Variants in MYO3B observed in about 807,000 individuals in gnomAD.
The protein encoded by MYO3B is myosin IIIB, also known as myosin-IIIb.
MYO3B carries 156 observed loss-of-function variants against 174.6 expected under a neutral mutation model. That is an observed-to-expected ratio of 0.89 (90% CI 0.78 to 1.02). The LOEUF (loss-of-function observed/expected upper bound fraction) is 1.02. Ranked by LOEUF, MYO3B falls within the 50% of genes least tolerant of loss-of-function variation. The pLI, the probability that MYO3B is intolerant of heterozygous loss-of-function variation, is 0.00. For missense variants in MYO3B, 1,632 were observed against 1,639.4 expected, an observed-to-expected ratio of 1.00 and a Z score of 0.08; for synonymous variants, 563 against 569.1, an observed-to-expected ratio of 0.99 and a Z score of 0.15.
At chr2:170,477,690 C>A (rs546443384) in intron 25 of MYO3B, among the ~76,000 whole-genome samples, 1 of 150,708 alleles carries the variant, frequency 6.6e-6, no homozygotes, top group South Asian at 2.1e-4. Context: ...TAGCTTCTTT[C>A]TAGATTCTAC....
intron 32 of MYO3B, among the ~76,000 whole-genome samples, chr2:170,599,617 G>A (rs891269484): frequency 7.2e-5 from 11 of 152,026 alleles, no homozygotes; most frequent in Admixed American, 2.0e-4. Context: ...GCATGGTGGC[G>A]GGCGCCTGTA....
chr2:170,524,148 G>A (rs1472852892), intron 30 of MYO3B, among the ~76,000 whole-genome samples: 2 of 152,200 alleles, frequency 1.3e-5, no homozygotes, highest in Non-Finnish European at 2.9e-5. Flanking sequence ...AGCATTTATT[G>A]CTATGCCAGT....
chr2:170,491,272 T>C (rs538396093), intron 25 of MYO3B, among the ~76,000 whole-genome samples: 166 of 152,146 alleles, frequency 1.1e-3, no homozygotes, highest in Non-Finnish European at 2.1e-3. Flanking sequence ...ACTTTCCAAT[T>C]TTCTTTTTGA....
chr2:170,407,951 A>C lies in MYO3B; in HGVS notation c.2650+107A>C, dbSNP rs75930005. The C allele has an allele frequency of 9.8e-4, 1,338 of 1,358,564 alleles. 24 individuals are homozygous for C. In the East Asian group the frequency reaches 0.027, roughly 27 times the overall value. 84.2% of individuals were successfully genotyped at this position (1,358,564 alleles called of 1,614,324 possible). On this transcript the variant is annotated intron_variant, in intron 22 of 34. Coordinates refer to ENST00000408978, the MANE Select transcript of MYO3B (RefSeq NM_138995.5). ...GCCAGGGCTGCACCGCTAACATTGA[A>C]CTTCTTTAAGCAGGAGTAAGGGTCT...
intron 23 of MYO3B, among the ~76,000 whole-genome samples, chr2:170,453,852 C>CTG (rs1267752868): frequency 6.6e-6 from 1 of 152,210 alleles, no homozygotes; most frequent in Non-Finnish European, 1.5e-5. Context: ...CCATTGGTCT[C>CTG]TGTCATCTTT....
intron 22 of MYO3B, among the ~76,000 whole-genome samples, chr2:170,424,741 C>T (rs1335753993): frequency 1.3e-5 from 2 of 152,164 alleles, no homozygotes; most frequent in African/African-American, 2.4e-5. Context: ...TAATAGTTCT[C>T]TTATAGGTCC....
chr2:170,215,449 G>GT (rs983349667), intron 5 of MYO3B, among the ~76,000 whole-genome samples: 381 of 149,432 alleles, frequency 2.5e-3, no homozygotes, highest in South Asian at 6.4e-3. Flanking sequence ...AAACCATTTG[G>GT]TTTTTTTTTT....
chr2:170,485,728 C>G (rs1264400374), intron 25 of MYO3B, among the ~76,000 whole-genome samples: 2 of 152,148 alleles, frequency 1.3e-5, no homozygotes, highest in African/African-American at 4.8e-5. Context: ...AGATTCTGAG[C>G]AGTTGACCTT....
intron 32 of MYO3B, among the ~76,000 whole-genome samples, chr2:170,615,218 C>T (rs1695377959): frequency 6.6e-6 from 1 of 152,208 alleles, no homozygotes; most frequent in South Asian, 2.1e-4. Flanking sequence ...CTTCACCACA[C>T]ATGTTTACTC....
chr2:170,308,578 G>A (rs1023012523), intron 7 of MYO3B, among the ~76,000 whole-genome samples: 1 of 152,116 alleles, frequency 6.6e-6, no homozygotes, highest in Non-Finnish European at 1.5e-5. Context: ...TACTCTGGGT[G>A]CATCCAGGTC....
chr2:170,391,507 CTT>C lies in MYO3B; in HGVS notation c.1578-5_1578-4del. 1 of 1,257,314 alleles carries C rather than the reference CTT, an allele frequency of 8.0e-7. No homozygotes were observed. Among genetic ancestry groups the C allele is most frequent in the South Asian group, 1.5e-5 (1 of 68,180 alleles). 77.9% of individuals were successfully genotyped at this position (1,257,314 alleles called of 1,614,324 possible). A position where few individuals can be genotyped will look rare whatever the true frequency, so the allele number is the denominator to read the frequency against. ...CCAGAATATATTATTACTAAAGTCT[CTT>C]TTTTTTTCAGGAGAGAGAAAAATTT... On this transcript the variant is annotated splice_polypyrimidine_tract_variant and intron_variant, in intron 14 of 34. Coordinates refer to ENST00000408978, the MANE Select transcript of MYO3B (RefSeq NM_138995.5).
At chr2:170,534,004 C>CT (rs1308322926) in intron 30 of MYO3B, among the ~76,000 whole-genome samples, 1 of 152,142 alleles carries the variant, frequency 6.6e-6, no homozygotes, top group East Asian at 1.9e-4. Context: ...AACAAATAGT[C>CT]TTTTTTGCTT....
At chr2:170,540,336 A>T (rs1690007148) in intron 30 of MYO3B, among the ~76,000 whole-genome samples, 1 of 151,992 alleles carries the variant, frequency 6.6e-6, no homozygotes. Context: ...AAAAAAAAGA[A>T]CCAATCCACA....
intron 7 of MYO3B, among the ~76,000 whole-genome samples, chr2:170,288,144 G>A (rs2093570240): frequency 6.6e-6 from 1 of 152,002 alleles, no homozygotes; most frequent in Non-Finnish European, 1.5e-5. Context: ...AAATTTTGAA[G>A]TCAGAGAGTG....
intron 25 of MYO3B, among the ~76,000 whole-genome samples, chr2:170,492,443 C>A (rs1040397263): frequency 2.6e-5 from 4 of 152,174 alleles, no homozygotes; most frequent in African/African-American, 7.2e-5. Flanking sequence ...GAGTCTGAAG[C>A]CTGATCAGTT....
At chr2:170,587,147 A>C (rs1326809605) in intron 32 of MYO3B, among the ~76,000 whole-genome samples, 1 of 152,218 alleles carries the variant, frequency 6.6e-6, no homozygotes, top group African/African-American at 2.4e-5. Context: ...GCACATACAC[A>C]TGTATATTAC....
intron 19 of MYO3B, among the ~76,000 whole-genome samples, chr2:170,403,715 T>C (rs142190237): frequency 6.6e-6 from 1 of 152,350 alleles, no homozygotes; most frequent in East Asian, 1.9e-4. Flanking sequence ...TTCGATGAGA[T>C]AGACACAAAG....
intron 7 of MYO3B, among the ~76,000 whole-genome samples, chr2:170,315,401 G>T (rs1232023442): frequency 6.6e-6 from 1 of 151,712 alleles, no homozygotes; most frequent in African/African-American, 2.4e-5. Flanking sequence ...CCGCCTCCAG[G>T]TTCAAGTGAT....
chr2:170,385,934 T>G (rs2105749094), intron 12 of MYO3B: 2 of 282,020 alleles, frequency 7.1e-6, no homozygotes, highest in South Asian at 1.1e-4. Flanking sequence ...ATTGCAATGT[T>G]GTTTATAATT....
Sources: allele counts gnomAD v4.1 joint callset (sites outside exome capture counted in the v4.1 genomes callset), GRCh38; gene constraint gnomAD v4.1.1; transcripts MANE v1.5; gene names NCBI Gene and HGNC (gene_info 2026-07-23, HGNC 2026-07-21).